CCDC150: variants seen among roughly 807,000 people sequenced by gnomAD.
The protein encoded by CCDC150 is coiled-coil domain-containing protein 150.
Under a neutral mutation model 156.5 loss-of-function variants are expected in CCDC150, and 151 were observed. The ratio of observed to expected loss-of-function variants is 0.97; its 90% CI spans 0.85 to 1.10. CCDC150 has a LOEUF of 1.10. CCDC150 is among the 50% of genes least tolerant of loss of function. The pLI, the probability that CCDC150 is intolerant of heterozygous loss-of-function variation, is 0.00. For synonymous variants in CCDC150, 452 were observed against 429.4 expected (o/e 1.05, Z -0.65); for missense variants, 1,312 against 1,268.1 (o/e 1.03, Z -0.53).
intron 1 of CCDC150, among the ~76,000 whole-genome samples, chr2:196,644,593 A>G (rs1318982543): frequency 3.9e-5 from 6 of 152,126 alleles, no homozygotes; most frequent in Non-Finnish European, 8.8e-5. Context: ...CCCCACTTCG[A>G]ATATTTTGCG....
At chr2:196,731,993 CTT>C (rs754980433) in intron 26 of CCDC150, 38 bp from the exon 27 acceptor site, 1 of 1,587,376 alleles carries the variant, frequency 6.3e-7, no homozygotes, top group South Asian at 1.2e-5. Flanking sequence ...ACTTGTAACT[CTT>C]TCTTTGTGTC....
chr2:196,639,976 C>T (rs959405858), intron 1 of CCDC150, among the ~76,000 whole-genome samples, 198 bp downstream of exon 1: 8 of 152,208 alleles, frequency 5.3e-5, no homozygotes, highest in Non-Finnish European at 8.8e-5. Flanking sequence ...GCGAAGTTTG[C>T]ATTGGCCTGG....
intron 15 of CCDC150, among the ~76,000 whole-genome samples, chr2:196,708,461 A>G (rs752556152): frequency 3.3e-5 from 5 of 151,998 alleles, no homozygotes; most frequent in African/African-American, 4.8e-5. Context: ...TCTTTATCCA[A>G]TTTGCTAGTC....
At chr2:196,729,622 T>G in intron 23 of CCDC150, 171 bp from the exon 24 acceptor site, 1 of 661,024 alleles carries the variant, frequency 1.5e-6, no homozygotes. Flanking sequence ...CCGTGTTGAT[T>G]GTACTGGACT....
intron 13 of CCDC150, among the ~76,000 whole-genome samples, chr2:196,682,994 AT>A (rs1270006636): frequency 2.0e-5 from 3 of 151,874 alleles, no homozygotes; most frequent in Non-Finnish European, 4.4e-5. Context: ...TTCCTTTCCA[AT>A]TTGGCTGCCT....
intron 6 of CCDC150, 54 bp from the exon 7 acceptor site, chr2:196,666,665 G>C: frequency 1.3e-6 from 2 of 1,489,786 alleles, no homozygotes; most frequent in Non-Finnish European, 1.8e-6. Flanking sequence ...CTATAAGGCA[G>C]CTTATTTGAA....
At chr2:196,673,805 T>C (rs1694345345) in intron 9 of CCDC150, among the ~76,000 whole-genome samples, 1 of 152,224 alleles carries the variant, frequency 6.6e-6, no homozygotes, top group African/African-American at 2.4e-5. Flanking sequence ...TAAAATCATC[T>C]ATATTTTGCT....
chr2:196,705,327 T>C (rs1402173588), intron 15 of CCDC150, among the ~76,000 whole-genome samples: 2 of 152,242 alleles, frequency 1.3e-5, no homozygotes, highest in African/African-American at 4.8e-5. Flanking sequence ...TTTTTTCATG[T>C]GTCTGTTGGC....
rs926056503 is a variant in CCDC150, at chr2:196,712,949, A to G, written c.1866+210A>G. ...AATTTAGCACTCATATCATTAGGTT[A>G]TTTTTTAAATCATTAACTCTTAATA... On this transcript the variant is annotated intron_variant, in intron 17 of 27. Transcript: ENST00000389175. 6.3e-5 allele frequency: 34 copies of G among 539,444 alleles called. No individual in the cohort carries two copies. In the East Asian group the frequency reaches 1.0e-3, roughly 16 times the overall value. The allele number at this position is 539,444 out of a possible 1,614,324, so 33.4% of individuals were successfully genotyped here. A position where few individuals can be genotyped will look rare whatever the true frequency, so the allele number is the denominator to read the frequency against.
At chr2:196,696,494 T>C (rs1230392097) in intron 14 of CCDC150, among the ~76,000 whole-genome samples, 1 of 152,216 alleles carries the variant, frequency 6.6e-6, no homozygotes, top group Non-Finnish European at 1.5e-5. Context: ...CCATTGCCAG[T>C]GAGCAGGCCT....
intron 19 of CCDC150, 35 bp downstream of exon 19, chr2:196,719,701 G>T: frequency 6.5e-7 from 1 of 1,545,776 alleles, no homozygotes; most frequent in South Asian, 1.2e-5. Context: ...CATTGGTATT[G>T]CTGGATTGTA....
At chr2:196,643,164 A>G (rs780355410) in intron 1 of CCDC150, among the ~76,000 whole-genome samples, 3 of 152,226 alleles carry the variant, frequency 2.0e-5, no homozygotes, top group Non-Finnish European at 4.4e-5. Flanking sequence ...TTTAAGGACA[A>G]CACCATGTAT....
At chr2:196,730,225 C>T in intron 25 of CCDC150, 107 bp downstream of exon 25, 1 of 932,326 alleles carries the variant, frequency 1.1e-6, no homozygotes, top group Non-Finnish European at 1.6e-6. Flanking sequence ...AGACAACACA[C>T]ATTTACAAAT....
At chr2:196,713,401 A>C in intron 17 of CCDC150, 1 of 1,533,446 alleles carries the variant, frequency 6.5e-7, no homozygotes, top group Non-Finnish European at 8.8e-7. Flanking sequence ...CTGCATCTTC[A>C]AAATCCCCCG....
intron 17 of CCDC150, among the ~76,000 whole-genome samples, chr2:196,716,872 T>TTTTTA (rs1491549565): frequency 7.3e-6 from 1 of 136,518 alleles, no homozygotes; most frequent in Non-Finnish European, 1.6e-5. Flanking sequence ...TTTTTTTTTT[T>TTTTTA]GAGACAGAGA....
intron 2 of CCDC150, among the ~76,000 whole-genome samples, chr2:196,650,681 C>T (rs1300111149): frequency 6.6e-6 from 1 of 152,188 alleles, no homozygotes; most frequent in East Asian, 1.9e-4. Flanking sequence ...CATGAGCCAC[C>T]ATACCAGCTG....
intron 25 of CCDC150, among the ~76,000 whole-genome samples, 161 bp from the exon 26 acceptor site, chr2:196,730,698 G>A (rs1461047756): frequency 9.9e-5 from 15 of 152,160 alleles, no homozygotes; most frequent in African/African-American, 3.6e-4. Flanking sequence ...TATAGGTTAA[G>A]CTGAAAATAA....
intron 15 of CCDC150, among the ~76,000 whole-genome samples, chr2:196,704,923 T>C (rs1696506201): frequency 6.6e-6 from 1 of 152,238 alleles, no homozygotes; most frequent in Admixed American, 6.5e-5. Context: ...GGTGTATATG[T>C]GCCACATTTT....
At chr2:196,656,557 A>T in intron 2 of CCDC150, 76 bp from the exon 3 acceptor site, 1 of 971,090 alleles carries the variant, frequency 1.0e-6, no homozygotes. Flanking sequence ...TGGAAATGTT[A>T]CATTGACTCA....
Sources: gnomAD v4.1 joint callset for allele counts (sites outside exome capture counted in the v4.1 genomes callset) on GRCh38, gnomAD v4.1.1 for gene constraint, MANE v1.5 for transcripts, NCBI Gene and HGNC (gene_info 2026-07-23, HGNC 2026-07-21) for gene names.